DDX25: variants seen among roughly 807,000 people sequenced by gnomAD.
DDX25 encodes ATP-dependent RNA helicase DDX25.
A neutral mutation model predicts 64.6 loss-of-function variants in DDX25; 70 were observed. The observed-to-expected ratio is 1.08, with a 90% CI of 0.89 to 1.32. The LOEUF is 1.32. DDX25 is among the 40% of genes most tolerant of loss of function. The pLI, the probability that DDX25 is intolerant of heterozygous loss-of-function variation, is 0.00. For missense variants in DDX25, 587 were observed against 604.4 expected, an observed-to-expected ratio of 0.97 and a Z score of 0.30; for synonymous variants, 211 against 213.3, an observed-to-expected ratio of 0.99 and a Z score of 0.09.
intron 4 of DDX25, 33 bp downstream of exon 4, chr11:125,906,242 A>G (rs1400157545): frequency 4.0e-6 from 6 of 1,517,008 alleles, no homozygotes; most frequent in Non-Finnish European, 5.3e-6. Flanking sequence ...TATGGGAAAA[A>G]TGCTGAAAAC....
At chr11:125,917,431 G>T (rs1416753092) in intron 9 of DDX25, among the ~76,000 whole-genome samples, 180 bp downstream of exon 9, 2 of 152,208 alleles carry the variant, frequency 1.3e-5, no homozygotes, top group African/African-American at 2.4e-5. Flanking sequence ...ATGTAAAAAG[G>T]TTAAGTAATG....
At chr11:125,914,384 CAG>C (rs1945008668) in intron 8 of DDX25, among the ~76,000 whole-genome samples, 1 of 152,210 alleles carries the variant, frequency 6.6e-6, no homozygotes, top group Non-Finnish European at 1.5e-5. Context: ...GGGAGCAAGG[CAG>C]GGGAACAGGC....
chr11:125,911,377 G>A lies in DDX25; in HGVS notation c.689G>A (p.Cys230Tyr). The A allele has an allele frequency of 1.2e-6, 2 of 1,613,806 alleles. No individual in the cohort carries two copies. Among genetic ancestry groups the A allele is most frequent in the Non-Finnish European group, 1.7e-6 (2 of 1,179,812 alleles). The change falls in exon 8 of 12, where the codon TGT becomes TAT. Residue 230 changes from cysteine to tyrosine, a missense_variant. Cys to Tyr is a radical substitution (Grantham distance 194). Coordinates refer to ENST00000263576, the MANE Select transcript of DDX25 (RefSeq NM_013264.5). The part of the protein sequence containing the change: ...IGTPGTVLDW[C>Y]FKLKLIDLTK... ...ACTCCTGGGACTGTCCTAGATTGGTGTTTTAAACTAAAATTGATTGATTTG... is the reference window on the plus strand; with the variant it reads ...ACTCCTGGGACTGTCCTAGATTGGTATTTTAAACTAAAATTGATTGATTTG...
chr11:125,913,193 T>C (rs1326680865), intron 8 of DDX25, among the ~76,000 whole-genome samples: 1 of 152,108 alleles, frequency 6.6e-6, no homozygotes, highest in East Asian at 1.9e-4. Flanking sequence ...TTTCTCTTTT[T>C]TCCTGCCAAT....
Position 125,922,919 on chromosome 11 carries a change from T to C in DDX25, c.*38T>C. 1 of 1,561,142 alleles carries C rather than the reference T, an allele frequency of 6.4e-7. No homozygotes were observed. The highest frequency in any genetic ancestry group is 1.2e-5 in the South Asian group (1 of 84,644). On this transcript the variant is annotated 3_prime_UTR_variant, in exon 12 of 12. Coordinates refer to ENST00000263576, the MANE Select transcript of DDX25 (RefSeq NM_013264.5). ...ATTGTTTGTGCAGTATCCTAGTTTATGTGAGAATGTCTCAGTGGGTTTTGA... is the reference window on the plus strand; with the variant it reads ...ATTGTTTGTGCAGTATCCTAGTTTACGTGAGAATGTCTCAGTGGGTTTTGA...
Position 125,923,463 on chromosome 11 carries a change from A to G in DDX25, c.*582A>G, listed in dbSNP as rs959708416. On this transcript the variant is annotated 3_prime_UTR_variant, in exon 12 of 12. Transcript: ENST00000263576. ...TGTTTCAAGGGACATACAGAATTTC[A>G]GAGTATTTTTCTATTTTGCTTCTCT... The G allele has an allele frequency of 6.6e-6, 1 of 152,232 alleles. No individual in the cohort carries two copies. The highest frequency in any genetic ancestry group is 1.5e-5 in the Non-Finnish European group (1 of 68,052). 9.4% of individuals were successfully genotyped at this position (152,232 alleles called of 1,614,324 possible).
At chr11:125,905,685 T>C (rs1944874007) in intron 3 of DDX25, 88 bp downstream of exon 3, 2 of 1,334,858 alleles carry the variant, frequency 1.5e-6, no homozygotes, top group Non-Finnish European at 2.1e-6. Flanking sequence ...ATAATCTCAA[T>C]TGGAAAAGGC....
At chr11:125,920,900 T>C (rs1045388690) in intron 10 of DDX25, 5 of 263,068 alleles carry the variant, frequency 1.9e-5, no homozygotes, top group Non-Finnish European at 3.5e-5. Flanking sequence ...TGAGGGCACC[T>C]CTCCACCACA....
At position 125,925,333 on chromosome 11, in the gene DDX25, CCCCCTCCTCACGT is replaced by C; in HGVS notation, c.*2456_*2468del. On this transcript the variant is annotated 3_prime_UTR_variant, in exon 12 of 12. Transcript: ENST00000263576. The stretch of plus-strand genomic sequence containing the variant: ...AGGTATTTTTCTGCGTTCCCTTTTG[CCCCCTCCTCACGT>C]CCCTTTGTCTCACCACCTAGGAGGC... The C allele has an allele frequency of 2.3e-6, 1 of 444,434 alleles. No homozygotes were observed. The highest frequency in any genetic ancestry group is 1.6e-5 in the South Asian group (1 of 63,694). The allele number at this position is 444,434 out of a possible 1,614,324, so 27.5% of individuals were successfully genotyped here.
rs753690870 is a variant in DDX25 at position 125,921,424 on chromosome 11, C to T, written c.1390+45C>T. Reference sequence around the variant, plus strand: ...CAATATGAACTACAGACCTGCCGGTCTGACAGTGATGATGTGTGCTGGAGA... The same window carrying T: ...CAATATGAACTACAGACCTGCCGGTTTGACAGTGATGATGTGTGCTGGAGA... On this transcript the variant is annotated intron_variant, in intron 11 of 11. Coordinates refer to ENST00000263576, the MANE Select transcript of DDX25 (RefSeq NM_013264.5). The surrounding 1 kb of genome is among the most constrained non-coding windows in gnomAD (Gnocchi z 4.1). 1.9e-6 allele frequency: 3 copies of T among 1,589,662 alleles called. No individual in the cohort carries two copies. The highest frequency in any genetic ancestry group is 2.6e-6 in the Non-Finnish European group (3 of 1,166,274).
chr11:125,926,334 T>C lies in DDX25; in HGVS notation c.*3453T>C, dbSNP rs1945167385. 6.6e-6 allele frequency: 1 copy of C among 152,202 alleles called. No homozygotes were observed. The highest frequency in any genetic ancestry group is 2.4e-5 in the African/African-American group (1 of 41,436). The allele number at this position is 152,202 out of a possible 1,614,324, so 9.4% of individuals were successfully genotyped here. Reference sequence around the variant, plus strand: ...TCCTCTTCAATCCTAACCCTCTCACTTCAACTCTCCACTACTTCTGGGGAA... The same window carrying C: ...TCCTCTTCAATCCTAACCCTCTCACCTCAACTCTCCACTACTTCTGGGGAA... On this transcript the variant is annotated 3_prime_UTR_variant, in exon 12 of 12. Coordinates refer to ENST00000263576, the MANE Select transcript of DDX25 (RefSeq NM_013264.5).
intron 8 of DDX25, among the ~76,000 whole-genome samples, chr11:125,912,320 C>T (rs1274093889): frequency 6.6e-6 from 1 of 152,110 alleles, no homozygotes; most frequent in Non-Finnish European, 1.5e-5. Flanking sequence ...GTAATTATGT[C>T]ATGAATTAGG....
rs1475696694 is a variant in DDX25 at position 125,925,143 on chromosome 11, G to A, written c.*2262G>A. ...TTTGTTCTCTTACTATTCGAGAATC[G>A]AGTTGGACCTTCCACCGTGCTCAGC... is the stretch of plus-strand genomic sequence containing the variant. On this transcript the variant is annotated 3_prime_UTR_variant, in exon 12 of 12. Transcript: ENST00000263576. 2.8e-5 allele frequency: 7 copies of A among 248,810 alleles called. No homozygotes were observed. The highest frequency in any genetic ancestry group is 5.8e-5 in the Non-Finnish European group (7 of 121,132). The allele number at this position is 248,810 out of a possible 1,614,324, so 15.4% of individuals were successfully genotyped here.
Position 125,910,493 on chromosome 11 carries a change from G to T in DDX25, c.622+15G>T. Reference sequence around the variant, plus strand: ...AGGGAATCGAAGTATGTACCAGTAAGCCAGTCCTGGCTGATTTTTCAAATC... The same window carrying T: ...AGGGAATCGAAGTATGTACCAGTAATCCAGTCCTGGCTGATTTTTCAAATC... On this transcript the variant is annotated intron_variant, in intron 7 of 11. Transcript: ENST00000263576. The T allele has an allele frequency of 6.2e-7, 1 of 1,610,652 alleles. No individual in the cohort carries two copies. The highest frequency in any genetic ancestry group is 8.5e-7 in the Non-Finnish European group (1 of 1,177,136).
intron 6 of DDX25, 77 bp downstream of exon 6, chr11:125,908,580 A>G: frequency 7.8e-7 from 1 of 1,282,450 alleles, no homozygotes; most frequent in Non-Finnish European, 1.1e-6. Context: ...ATTCCTGTGC[A>G]ATGATATGGT....
chr11:125,906,903 T>C (rs1944896724), intron 4 of DDX25, among the ~76,000 whole-genome samples: 1 of 151,592 alleles, frequency 6.6e-6, no homozygotes, highest in African/African-American at 2.4e-5. Context: ...ACATTTTTGA[T>C]AGTAAGATAT....
At chr11:125,906,388 C>T (rs567556087) in intron 4 of DDX25, among the ~76,000 whole-genome samples, 179 bp downstream of exon 4, 3 of 151,878 alleles carry the variant, frequency 2.0e-5, no homozygotes, top group South Asian at 2.1e-4. Context: ...GATACGATCT[C>T]GGCTCACTGC....
Position 125,921,453 on chromosome 11 carries a change from G to A in DDX25, c.1390+74G>A. On this transcript the variant is annotated intron_variant, in intron 11 of 11. Transcript: ENST00000263576. The surrounding 1 kb of genome is among the most constrained non-coding windows in gnomAD (Gnocchi z 4.1). ...CAGTGATGATGTGTGCTGGAGAGCT[G>A]GAGTCCAGGGGCTCATGAGAGTAGT... 3.3e-6 allele frequency: 5 copies of A among 1,506,098 alleles called. No individual in the cohort carries two copies. Among genetic ancestry groups the A allele is most frequent in the Non-Finnish European group, 4.5e-6 (5 of 1,120,164 alleles). 93.3% of individuals were successfully genotyped at this position (1,506,098 alleles called of 1,614,324 possible).
At chr11:125,905,983 G>T (rs1944879148) in intron 3 of DDX25, 91 bp from the exon 4 acceptor site, 3 of 1,435,338 alleles carry the variant, frequency 2.1e-6, no homozygotes, top group Admixed American at 5.8e-5. Flanking sequence ...AGGTGCAATT[G>T]CTTGGTATAC....
Sources: gnomAD v4.1 joint callset for allele counts (sites outside exome capture counted in the v4.1 genomes callset) on GRCh38, gnomAD v4.1.1 for gene constraint, Gnocchi (gnomAD v3.1) non-coding constraint, MANE v1.5 for transcripts, NCBI Gene and HGNC (gene_info 2026-07-23, HGNC 2026-07-21) for gene names.